Variants in GPHN observed in about 807,000 individuals in gnomAD.
The protein encoded by GPHN is gephyrin.
In GPHN, 17 loss-of-function variants were observed where a neutral mutation model predicts 95.5. That is an observed-to-expected ratio of 0.18 (90% confidence interval 0.12 to 0.27). GPHN has a LOEUF of 0.27. Ranked by LOEUF, GPHN falls within the 10% of genes least tolerant of loss-of-function variation. The pLI is 1.00. For missense variants in GPHN, 660 were observed against 978.1 expected (o/e 0.67, Z 4.34); for synonymous variants, 320 against 322.5 (o/e 0.99, Z 0.08).
chr14:66,993,073 C>T (rs147995631), intron 9 of GPHN, among the ~76,000 whole-genome samples: 1,833 of 152,186 alleles, frequency 0.012, 19 homozygotes, highest in Non-Finnish European at 0.018. Flanking sequence ...TGTGAAATTT[C>T]TTCATTTTAA....
chr14:66,550,253 G>A (rs1047586214), intron 1 of GPHN, among the ~76,000 whole-genome samples: 1 of 152,204 alleles, frequency 6.6e-6, no homozygotes, highest in Admixed American at 6.5e-5. Context: ...TGATTCATGC[G>A]AGGAGGTCAA....
chr14:67,522,218 T>C, the GPHN span, among the ~76,000 whole-genome samples: 1,173 of 152,238 alleles, frequency 7.7e-3, 59 homozygotes, highest in Admixed American at 0.071. Context: ...TTGGGGATTG[T>C]GCGGGAGAGC....
the GPHN span, among the ~76,000 whole-genome samples, chr14:67,428,442 A>G: frequency 6.6e-6 from 1 of 152,256 alleles, no homozygotes; most frequent in Non-Finnish European, 1.5e-5. Flanking sequence ...GTGCTTGTAC[A>G]TATTTAATCT....
At chr14:67,596,323 T>TTGG in the GPHN span, among the ~76,000 whole-genome samples, 1 of 137,052 alleles carries the variant, frequency 7.3e-6, no homozygotes, top group Non-Finnish European at 1.6e-5. Context: ...TTTTTTTTAG[T>TTGG]AGAGATGGGG....
chr14:66,634,002 A>G (rs1176115972), intron 1 of GPHN, among the ~76,000 whole-genome samples: 1 of 149,904 alleles, frequency 6.7e-6, no homozygotes, highest in Non-Finnish European at 1.5e-5. Context: ...CATTCAGGTC[A>G]TGAATTGTTT....
intron 1 of GPHN, among the ~76,000 whole-genome samples, chr14:66,525,460 G>C (rs56163493): frequency 6.6e-6 from 1 of 152,072 alleles, no homozygotes; most frequent in Non-Finnish European, 1.5e-5. Context: ...CACTCTGATG[G>C]TAGTTTCTTT....
At chr14:66,769,576 A>G (rs1458858649) in intron 2 of GPHN, among the ~76,000 whole-genome samples, 2 of 152,026 alleles carry the variant, frequency 1.3e-5, no homozygotes, top group East Asian at 3.9e-4. Context: ...AACATGTGGT[A>G]TTTGGCTTTC....
chr14:67,190,967 C>T, the GPHN span, among the ~76,000 whole-genome samples: 2 of 152,322 alleles, frequency 1.3e-5, no homozygotes, highest in Admixed American at 6.5e-5. Flanking sequence ...GGTGCAGTGG[C>T]TCATGCCTGT....
At chr14:66,688,385 A>T (rs960905740) in intron 2 of GPHN, among the ~76,000 whole-genome samples, 1 of 152,190 alleles carries the variant, frequency 6.6e-6, no homozygotes, top group Non-Finnish European at 1.5e-5. Context: ...GTCTGCATGC[A>T]TGTAAGTAGA....
chr14:66,927,574 A>G (rs1279890591), intron 8 of GPHN, among the ~76,000 whole-genome samples: 1 of 152,078 alleles, frequency 6.6e-6, no homozygotes. Context: ...TTCCAATGCT[A>G]TGTTGAATAA....
At chr14:67,619,138 G>A in the GPHN span, among the ~76,000 whole-genome samples, 1 of 152,098 alleles carries the variant, frequency 6.6e-6, no homozygotes, top group Admixed American at 6.5e-5. Flanking sequence ...AATTGGAGGG[G>A]TAAAGTTCTT....
chr14:67,050,075 G>A (rs1207975587), intron 10 of GPHN, among the ~76,000 whole-genome samples: 1 of 152,144 alleles, frequency 6.6e-6, no homozygotes, highest in Non-Finnish European at 1.5e-5. Flanking sequence ...CCAAGGACCG[G>A]TATCAATCCA....
chr14:66,651,878 T>C (rs1262985931), intron 1 of GPHN, among the ~76,000 whole-genome samples: 1 of 151,856 alleles, frequency 6.6e-6, no homozygotes, highest in African/African-American at 2.4e-5. Flanking sequence ...AGCTCAGGGC[T>C]CTCACTGATT....
the GPHN span, among the ~76,000 whole-genome samples, chr14:67,410,963 T>C: frequency 6.6e-6 from 1 of 151,902 alleles, no homozygotes; most frequent in South Asian, 2.1e-4. Flanking sequence ...CTGGGAAACA[T>C]GGCGAAACCC....
intron 2 of GPHN, among the ~76,000 whole-genome samples, chr14:66,701,216 A>G (rs1040264681): frequency 6.6e-6 from 1 of 152,132 alleles, no homozygotes; most frequent in African/African-American, 2.4e-5. Context: ...ATTTGAATAA[A>G]AATACATCTT....
At chr14:66,778,074 C>T (rs1411517171) in intron 3 of GPHN, among the ~76,000 whole-genome samples, 1 of 152,066 alleles carries the variant, frequency 6.6e-6, no homozygotes. Flanking sequence ...TCTAGAAAAC[C>T]CCATCGTCTC....
the GPHN span, among the ~76,000 whole-genome samples, chr14:67,258,306 A>G: frequency 6.6e-6 from 1 of 152,076 alleles, no homozygotes. Context: ...ATCCCAAGGC[A>G]GGTGGATCGC....
intron 9 of GPHN, chr14:66,969,687 G>A (rs1377600524): frequency 6.6e-6 from 1 of 152,190 alleles, no homozygotes. Flanking sequence ...TGTAATCCCA[G>A]CTTCTTGGGA....
the GPHN span, among the ~76,000 whole-genome samples, chr14:67,497,548 G>A: frequency 6.6e-6 from 1 of 152,108 alleles, no homozygotes; most frequent in Non-Finnish European, 1.5e-5. Context: ...CATGACTTTG[G>A]AACGTTCTAC....
Sources: gnomAD v4.1 joint callset for allele counts (sites outside exome capture counted in the v4.1 genomes callset) on GRCh38, gnomAD v4.1.1 for gene constraint, MANE v1.5 for transcripts, NCBI Gene and HGNC (gene_info 2026-07-23, HGNC 2026-07-21) for gene names.